The following GIN1 variants were observed in gnomAD, a reference collection of about 807,000 sequenced individuals.
GIN1 encodes the protein gypsy retrotransposon integrase 1, also known as gypsy retrotransposon integrase-like protein 1.
In GIN1, 41 loss-of-function variants were observed where a neutral mutation model predicts 51.4. That is an observed-to-expected ratio of 0.80 (90% CI 0.62 to 1.04). GIN1 has a LOEUF of 1.04. GIN1 is among the 50% of genes least tolerant of loss of function. The pLI is 0.00. For synonymous variants in GIN1, 222 were observed against 206.5 expected (o/e 1.07, Z -0.64); for missense variants, 610 against 612.4 (o/e 1.00, Z 0.04).
intron 7 of GIN1, among the ~76,000 whole-genome samples, chr5:103,091,989 C>T (rs1554194596): frequency 6.6e-6 from 1 of 151,498 alleles, no homozygotes. Flanking sequence ...CACACCATTG[C>T]ACTCCAGCCT....
At chr5:103,110,788 A>G (rs1304050454) in intron 1 of GIN1, among the ~76,000 whole-genome samples, 1 of 152,220 alleles carries the variant, frequency 6.6e-6, no homozygotes, top group East Asian at 1.9e-4. Context: ...GTTCATAGAT[A>G]TTTTATAGTC....
intron 3 of GIN1, chr5:103,106,437 A>T: frequency 3.9e-6 from 1 of 256,296 alleles, no homozygotes; most frequent in Admixed American, 5.8e-5. Context: ...CTCCATTTAA[A>T]TTCTGCCTAC....
chr5:103,112,854 T>C (rs1461955648), intron 1 of GIN1, among the ~76,000 whole-genome samples: 1 of 152,134 alleles, frequency 6.6e-6, no homozygotes, highest in Non-Finnish European at 1.5e-5. Flanking sequence ...TACTAGATGA[T>C]ACTAATACAA....
At chr5:103,092,331 A>G (rs1245440129) in intron 7 of GIN1, among the ~76,000 whole-genome samples, 2 of 152,178 alleles carry the variant, frequency 1.3e-5, no homozygotes, top group African/African-American at 4.8e-5. Context: ...GAATAAAAAT[A>G]ATAATTAAAA....
chr5:103,096,902 A>C, intron 6 of GIN1, 76 bp from the exon 7 acceptor site: 1 of 879,242 alleles, frequency 1.1e-6, no homozygotes, highest in Non-Finnish European at 1.8e-6. Flanking sequence ...AATAATGAGA[A>C]TATTGTAACA....
At chr5:103,088,613 C>T (rs533187843) in intron 7 of GIN1, among the ~76,000 whole-genome samples, 1 of 152,148 alleles carries the variant, frequency 6.6e-6, no homozygotes, top group African/African-American at 2.4e-5. Flanking sequence ...GCCAACATGG[C>T]GAAACCCCTT....
chr5:103,118,781 A>G (rs1222291769), intron 1 of GIN1, among the ~76,000 whole-genome samples: 8 of 152,100 alleles, frequency 5.3e-5, no homozygotes, highest in African/African-American at 1.9e-4. Flanking sequence ...TACATATGAG[A>G]AAATGGCTTG....
chr5:103,088,411 T>G (rs1554194180), intron 7 of GIN1, among the ~76,000 whole-genome samples: 1 of 152,170 alleles, frequency 6.6e-6, no homozygotes, highest in African/African-American at 2.4e-5. Context: ...AAACAGCCAT[T>G]TTCCTGTTCC....
intron 4 of GIN1, among the ~76,000 whole-genome samples, chr5:103,104,089 G>T (rs1583124324): frequency 6.6e-6 from 1 of 152,096 alleles, no homozygotes; most frequent in East Asian, 1.9e-4. Flanking sequence ...GAGTAGCTGT[G>T]ATTACAGGCG....
intron 3 of GIN1, among the ~76,000 whole-genome samples, 174 bp from the exon 4 acceptor site, chr5:103,105,020 A>G (rs566765946): frequency 6.6e-6 from 1 of 152,332 alleles, no homozygotes; most frequent in East Asian, 1.9e-4. Flanking sequence ...TAACAAACAA[A>G]TAAAACAACA....
chr5:103,099,207 A>G (rs1554195495), intron 4 of GIN1, among the ~76,000 whole-genome samples: 6 of 152,138 alleles, frequency 3.9e-5, no homozygotes, highest in Non-Finnish European at 2.9e-5. Context: ...AAAAAGTTGT[A>G]AGTAAAAGTT....
intron 4 of GIN1, among the ~76,000 whole-genome samples, chr5:103,099,243 C>CT (rs1562329180): frequency 6.6e-6 from 1 of 152,160 alleles, no homozygotes; most frequent in South Asian, 2.1e-4. Flanking sequence ...CTGGTACTAG[C>CT]TTTGTTTGCC....
intron 7 of GIN1, among the ~76,000 whole-genome samples, chr5:103,089,257 T>C (rs188040359): frequency 7.0e-4 from 106 of 152,308 alleles, no homozygotes; most frequent in Non-Finnish European, 8.5e-4. Flanking sequence ...AAATCTTCTA[T>C]ACACAGACTA....
At chr5:103,105,544 T>C (rs1387290749) in intron 3 of GIN1, among the ~76,000 whole-genome samples, 2 of 152,182 alleles carry the variant, frequency 1.3e-5, no homozygotes, top group African/African-American at 2.4e-5. Flanking sequence ...ATAAAATGTA[T>C]AGATGGAGCA....
chr5:103,107,705 A>G (rs1436615380), intron 2 of GIN1, among the ~76,000 whole-genome samples: 1 of 152,166 alleles, frequency 6.6e-6, no homozygotes, highest in African/African-American at 2.4e-5. Flanking sequence ...ACTGGCACAC[A>G]GCAGAAACCC....
intron 1 of GIN1, among the ~76,000 whole-genome samples, chr5:103,119,592 C>CA (rs1193703468): frequency 2.0e-5 from 3 of 152,216 alleles, no homozygotes; most frequent in Non-Finnish European, 2.9e-5. Flanking sequence ...AGGATTCCCT[C>CA]TTGACCTCAC....
chr5:103,087,658 C>T lies in GIN1; in HGVS notation c.*240G>A. ...TTCCCAAGAAGTAGGGGTGCTTTGC[C>T]TGTTCTCTTTTTAGAAGAAAAAGTG... On this transcript the variant is annotated 3_prime_UTR_variant, in exon 8 of 8. Transcript: ENST00000399004. 1 of 269,334 alleles carries T rather than the reference C, an allele frequency of 3.7e-6. No homozygotes were observed. The highest frequency in any genetic ancestry group is 6.8e-6 in the Non-Finnish European group (1 of 146,328). 16.7% of individuals were successfully genotyped at this position (269,334 alleles called of 1,614,324 possible).
intron 2 of GIN1, among the ~76,000 whole-genome samples, chr5:103,108,333 TG>T (rs1554196557): frequency 6.6e-6 from 1 of 152,090 alleles, no homozygotes; most frequent in East Asian, 1.9e-4. Flanking sequence ...AAAAATGTTT[TG>T]TTTTCTTTCA....
chr5:103,106,571 T>C (rs1431379867), intron 3 of GIN1, 145 bp downstream of exon 3: 1 of 503,418 alleles, frequency 2.0e-6, no homozygotes, highest in South Asian at 3.5e-5. Context: ...TTAAAATAAC[T>C]GTGAAGGGAA....
Sources: gnomAD v4.1 joint callset for allele counts (sites outside exome capture counted in the v4.1 genomes callset) on GRCh38, gnomAD v4.1.1 for gene constraint, MANE v1.5 for transcripts, NCBI Gene and HGNC (gene_info 2026-07-23, HGNC 2026-07-21) for gene names.